Variants in STAB2 observed in about 807,000 individuals in gnomAD.
STAB2 encodes stabilin 2, also known as stabilin-2.
Under a neutral mutation model 338.1 loss-of-function variants are expected in STAB2, and 288 were observed. That is an observed-to-expected ratio of 0.85 (90% confidence interval 0.77 to 0.94). The LOEUF (loss-of-function observed/expected upper bound fraction) is 0.94, where lower values mean the gene tolerates loss of function less well. Among genes scored for constraint, STAB2 ranks in the 40% least tolerant of loss-of-function variants. STAB2 has a pLI of 0.00. For missense variants in STAB2, 3,141 were observed against 3,210.1 expected (o/e 0.98, Z 0.52); for synonymous variants, 1,202 against 1,193.3 (o/e 1.01, Z -0.15).
chr12:103,681,614 T>TG, intron 25 of STAB2, among the ~76,000 whole-genome samples: 1 of 89,158 alleles, frequency 1.1e-5, no homozygotes, highest in Non-Finnish European at 2.2e-5. Flanking sequence ...TCCCCCCTAC[T>TG]TTTTTTTTTT....
At chr12:103,749,409 C>A (rs1330199213) in intron 59 of STAB2, among the ~76,000 whole-genome samples, 1 of 152,172 alleles carries the variant, frequency 6.6e-6, no homozygotes, top group Non-Finnish European at 1.5e-5. Flanking sequence ...ACATTAATTT[C>A]TTAGCTCTGA....
At chr12:103,743,957 AC>A (rs1882794130) in intron 56 of STAB2, among the ~76,000 whole-genome samples, 2 of 152,170 alleles carry the variant, frequency 1.3e-5, no homozygotes, top group Non-Finnish European at 2.9e-5. Context: ...AGGGTTGTGA[AC>A]AGAGGGATGT....
At chr12:103,731,801 C>T (rs1881656202) in intron 50 of STAB2, among the ~76,000 whole-genome samples, 166 bp downstream of exon 50, 1 of 152,154 alleles carries the variant, frequency 6.6e-6, no homozygotes, top group African/African-American at 2.4e-5. Flanking sequence ...CTGCCACTCC[C>T]TTCTTAGAAT....
chr12:103,654,865 A>G (rs1874062389), intron 13 of STAB2, 167 bp downstream of exon 13: 2 of 844,308 alleles, frequency 2.4e-6, no homozygotes, highest in Non-Finnish European at 1.7e-6. Context: ...AAACCTGGGA[A>G]TCTCTGCAGA....
chr12:103,704,859 C>G (rs1277799031), intron 36 of STAB2: 6 of 373,596 alleles, frequency 1.6e-5, no homozygotes, highest in Non-Finnish European at 2.9e-5. Flanking sequence ...ATTTTTTATG[C>G]TCTACGTCTT....
intron 64 of STAB2, 108 bp from the exon 65 acceptor site, chr12:103,759,025 G>A: frequency 6.3e-7 from 1 of 1,577,466 alleles, no homozygotes; most frequent in Non-Finnish European, 8.7e-7. Flanking sequence ...CATGGAGGCA[G>A]GAAAGCCTAG....
chr12:103,761,739 C>G (rs1884555299), intron 66 of STAB2, among the ~76,000 whole-genome samples: 1 of 152,124 alleles, frequency 6.6e-6, no homozygotes, highest in African/African-American at 2.4e-5. Context: ...ATCTCTGAGT[C>G]CCAATTTTCT....
chr12:103,718,831 G>T (rs1880533809), intron 44 of STAB2, among the ~76,000 whole-genome samples: 1 of 152,166 alleles, frequency 6.6e-6, no homozygotes, highest in Non-Finnish European at 1.5e-5. Context: ...AGGGTTTTCG[G>T]TTGGTTTGCT....
chr12:103,764,049 G>A (rs553376420), intron 68 of STAB2, among the ~76,000 whole-genome samples: 20 of 151,762 alleles, frequency 1.3e-4, no homozygotes, highest in Admixed American at 7.2e-4. Context: ...GCAGTGGCAC[G>A]ATCTCGGCTC....
chr12:103,621,481 C>T (rs1957300996), intron 4 of STAB2, among the ~76,000 whole-genome samples: 1 of 152,104 alleles, frequency 6.6e-6, no homozygotes, highest in Non-Finnish European at 1.5e-5. Flanking sequence ...GCCTGTAATC[C>T]CAGTACTTTG....
intron 31 of STAB2, 22 bp downstream of exon 31, chr12:103,692,911 T>C (rs1266500935): frequency 6.3e-7 from 1 of 1,597,218 alleles, no homozygotes; most frequent in Non-Finnish European, 8.6e-7. Flanking sequence ...CATTCTCCTG[T>C]GCGTGCAGCA....
At chr12:103,718,387 T>G (rs761417397) in intron 44 of STAB2, among the ~76,000 whole-genome samples, 5 of 152,258 alleles carry the variant, frequency 3.3e-5, no homozygotes, top group Non-Finnish European at 7.4e-5. Context: ...ACATGATAAC[T>G]CTACCTTAGA....
chr12:103,667,724 A>AT (rs1396839129), intron 19 of STAB2, among the ~76,000 whole-genome samples: 2 of 152,210 alleles, frequency 1.3e-5, no homozygotes, highest in African/African-American at 4.8e-5. Flanking sequence ...TTAGGATTTT[A>AT]TAGCCTAGGA....
At chr12:103,620,275 C>T (rs1957277367) in intron 3 of STAB2, among the ~76,000 whole-genome samples, 193 bp from the exon 4 acceptor site, 1 of 152,238 alleles carries the variant, frequency 6.6e-6, no homozygotes, top group Non-Finnish European at 1.5e-5. Context: ...CTTTCTAATA[C>T]AGCACATGAC....
At chr12:103,658,522 A>T (rs1443497234) in intron 15 of STAB2, among the ~76,000 whole-genome samples, 1 of 152,158 alleles carries the variant, frequency 6.6e-6, no homozygotes, top group Non-Finnish European at 1.5e-5. Context: ...TGAGGCTTTG[A>T]AAGTGGATTA....
chr12:103,636,198 T>G (rs1277312764), intron 6 of STAB2, among the ~76,000 whole-genome samples: 6 of 102,882 alleles, frequency 5.8e-5, no homozygotes, highest in Non-Finnish European at 1.0e-4. Flanking sequence ...CCATCCCCCC[T>G]CCCCCCACCC....
Position 103,730,203 on chromosome 12 carries a change from C to T in STAB2, c.5170C>T (p.Leu1724=), listed in dbSNP as rs372554369. 5 of 1,613,502 alleles carry T rather than the reference C, an allele frequency of 3.1e-6. No homozygotes were observed. The highest frequency in any genetic ancestry group is 4.2e-6 in the Non-Finnish European group (5 of 1,179,790). Residue 1724 remains leucine, a synonymous_variant, in exon 49 of 69, where the codon CTA becomes TTA. Transcript: ENST00000388887. ...NGIVHIIDKL[L]SPKNLLITPK... is the part of the protein sequence containing the mutation. Reference sequence around the variant, plus strand: ...GATTGTTCATATCATAGACAAATTGCTATCTCCCAAAAATTTGCTTATCAC... The same window carrying T: ...GATTGTTCATATCATAGACAAATTGTTATCTCCCAAAAATTTGCTTATCAC...
At chr12:103,716,989 G>A (rs1880368693) in intron 43 of STAB2, among the ~76,000 whole-genome samples, 1 of 152,208 alleles carries the variant, frequency 6.6e-6, no homozygotes, top group Admixed American at 6.5e-5. Context: ...ACCTGCCCGT[G>A]TAGCCCTAGC....
intron 48 of STAB2, among the ~76,000 whole-genome samples, chr12:103,729,460 C>T (rs938029003): frequency 3.9e-5 from 6 of 152,040 alleles, no homozygotes; most frequent in African/African-American, 1.4e-4. Context: ...TAAGTGATTT[C>T]TGTATGCAGG....
Sources: allele counts gnomAD v4.1 joint callset (sites outside exome capture counted in the v4.1 genomes callset), GRCh38; gene constraint gnomAD v4.1.1; transcripts MANE v1.5; gene names NCBI Gene and HGNC (gene_info 2026-07-23, HGNC 2026-07-21).